The following ZFHX3 variants were observed in gnomAD, a reference collection of about 807,000 sequenced individuals.
ZFHX3 encodes zinc finger homeobox 3.
A neutral mutation model predicts 279.1 loss-of-function variants in ZFHX3; 42 were observed. The observed-to-expected ratio is 0.15, with a 90% CI of 0.12 to 0.19. The LOEUF (loss-of-function observed/expected upper bound fraction) is 0.19, where lower values mean the gene tolerates loss of function less well. Ranked by LOEUF, ZFHX3 falls within the 10% of genes least tolerant of loss-of-function variation. ZFHX3 has a pLI of 1.00. For missense variants in ZFHX3, 4,981 were observed against 4,754.0 expected (o/e 1.05, Z -1.40); for synonymous variants, 2,293 against 1,957.8 (o/e 1.17, Z -4.52).
rs183742474 is a variant in ZFHX3, at chr16:73,374,040, C to T, written c.-1290-55704G>A. Among the ~76,000 whole-genome samples the T allele has an allele frequency of 9.7e-4, 148 of 152,246 alleles. 1 individual carries two copies. Among genetic ancestry groups the T allele is most frequent in the African/African-American group, 3.2e-3 (134 of 41,534 alleles). On this transcript the variant is annotated intron_variant, in intron 3 of 17. Coordinates refer to the ZFHX3 transcript ENST00000641206. ...AGCATGCACGGGGTAAACTGGGATG[C>T]GGCAGATTTGCCAGATCCTCCAGCC...
chr16:72,855,337 G>A (rs1038725547), intron 4 of ZFHX3, among the ~76,000 whole-genome samples: 15 of 152,230 alleles, frequency 9.9e-5, no homozygotes, highest in Admixed American at 6.5e-4. Flanking sequence ...GTGAAACAGT[G>A]TGTGTGTGAG....
At chr16:73,738,049 A>T (rs2053624257) in intron 1 of ZFHX3, among the ~76,000 whole-genome samples, 1 of 152,164 alleles carries the variant, frequency 6.6e-6, no homozygotes, top group Non-Finnish European at 1.5e-5. Context: ...TGCCCTCCAC[A>T]TCTCCATTAG....
intron 1 of ZFHX3, among the ~76,000 whole-genome samples, chr16:73,747,315 T>C (rs2053713477): frequency 1.3e-5 from 2 of 152,062 alleles, no homozygotes; most frequent in Admixed American, 1.3e-4. Context: ...GCCTGGGAGG[T>C]TGAAGCTGTA....
intron 2 of ZFHX3, among the ~76,000 whole-genome samples, chr16:73,647,029 T>TC (rs1199076044): frequency 6.6e-6 from 1 of 150,998 alleles, no homozygotes; most frequent in Non-Finnish European, 1.5e-5. Flanking sequence ...TTTTTCTTTT[T>TC]TTTTTTTTGA....
intron 6 of ZFHX3, among the ~76,000 whole-genome samples, chr16:73,138,677 T>A (rs891691983): frequency 6.6e-6 from 1 of 152,082 alleles, no homozygotes; most frequent in Non-Finnish European, 1.5e-5. Context: ...TGCCCCCTAC[T>A]TCTTTTTTTG....
intron 3 of ZFHX3, among the ~76,000 whole-genome samples, chr16:73,409,418 T>G (rs1213397622): frequency 2.0e-5 from 3 of 152,204 alleles, no homozygotes; most frequent in South Asian, 4.1e-4. Flanking sequence ...TTTTAAGAAC[T>G]GTTTTCATGC....
intron 2 of ZFHX3, among the ~76,000 whole-genome samples, chr16:73,620,393 T>C (rs2052346704): frequency 6.6e-6 from 1 of 152,240 alleles, no homozygotes; most frequent in South Asian, 2.1e-4. Flanking sequence ...TTTGACGACA[T>C]TTCCACCAGG....
rs60214410 is a variant in ZFHX3 at position 73,241,790 on chromosome 16, C to CAAAAAAA, written c.-1104+15250_-1104+15256dup. On this transcript the variant is annotated intron_variant, in intron 5 of 17. Transcript: ENST00000641206. Reference sequence around the variant, plus strand: ...GGGCAATAAGAGCAAAACTCCGTCTCAAAAAAAAAAAAAAAAAAAAAAAAA... The same window carrying CAAAAAAA: ...GGGCAATAAGAGCAAAACTCCGTCTCAAAAAAAAAAAAAAAAAAAAAAAAAAAAAAAA... Among the ~76,000 whole-genome samples, 5 of 51,280 alleles carry CAAAAAAA rather than the reference C, an allele frequency of 9.8e-5. 1 individual carries two copies. The highest frequency in any genetic ancestry group is 2.5e-4 in the African/African-American group (3 of 11,768). 33.6% of individuals were successfully genotyped at this position (51,280 alleles called of 152,430 possible).
intron 5 of ZFHX3, among the ~76,000 whole-genome samples, chr16:73,174,278 C>CAAA (rs746018444): frequency 5.0e-5 from 4 of 79,222 alleles, no homozygotes; most frequent in Non-Finnish European, 1.2e-4. Context: ...ACAACAACAA[C>CAAA]AACAACAACA....
Position 72,800,127 on chromosome 16 carries a change from C to T in ZFHX3, c.3867G>A (p.Val1289=). 3 of 1,613,868 alleles carry T rather than the reference C, an allele frequency of 1.9e-6. No individual in the cohort carries two copies. The highest frequency in any genetic ancestry group is 2.5e-6 in the Non-Finnish European group (3 of 1,179,842). Reference sequence around the variant, plus strand: ...TTGGCATCACCATCTCAGGGGTGGTCACCTGAGGAGCAAGAGCAAGGAGAG... The same window carrying T: ...TTGGCATCACCATCTCAGGGGTGGTTACCTGAGGAGCAAGAGCAAGGAGAG... ...PDCVEKLIMT[V]TTPEMVMPSS... is the part of the protein sequence containing the mutation. Residue 1289 remains valine (V), a splice_region_variant and synonymous_variant, in exon 8 of 10, where the codon GTG becomes GTA. Coordinates refer to ENST00000268489, the MANE Select transcript of ZFHX3 (RefSeq NM_006885.4).
At chr16:73,580,166 G>T (rs114447450) in intron 2 of ZFHX3, among the ~76,000 whole-genome samples, 9,440 of 151,548 alleles carry the variant, frequency 0.062, 1,196 homozygotes, top group African/African-American at 0.22. Context: ...CTATGTGTTA[G>T]CTGGAATTTT....
At position 73,779,173 on chromosome 16, in the gene ZFHX3, T is replaced by C. The variant is rs943703193; in HGVS notation, c.-1607-98933A>G. On this transcript the variant is annotated intron_variant, in intron 1 of 17. Coordinates refer to the ZFHX3 transcript ENST00000641206. The stretch of plus-strand genomic sequence containing the variant: ...TATAGCATTCCCGAGCCTCCCAACA[T>C]GTGCCAAAGTATATCTTGGGAATTC... 7.2e-5 allele frequency among the ~76,000 whole-genome samples: 11 copies of C among 152,184 alleles called. No homozygotes were observed. In the South Asian group the frequency reaches 2.3e-3, roughly 32 times the overall value.
At chr16:72,889,081 A>G (rs2038702609) in intron 4 of ZFHX3, among the ~76,000 whole-genome samples, 1 of 151,996 alleles carries the variant, frequency 6.6e-6, no homozygotes, top group Non-Finnish European at 1.5e-5. Flanking sequence ...GGAGGTGGGG[A>G]AAAAGGTGGC....
intron 4 of ZFHX3, among the ~76,000 whole-genome samples, chr16:72,859,513 T>C (rs143320953): frequency 6.6e-6 from 1 of 152,344 alleles, no homozygotes; most frequent in East Asian, 1.9e-4. Context: ...GATTCCCAAC[T>C]TGGACATGTG....
intron 1 of ZFHX3, among the ~76,000 whole-genome samples, chr16:73,769,582 G>C (rs924389576): frequency 5.3e-5 from 8 of 152,126 alleles, no homozygotes; most frequent in African/African-American, 1.9e-4. Flanking sequence ...TACAAATACA[G>C]AAAATCAATG....
chr16:73,529,261 C>A (rs1384792872), intron 2 of ZFHX3, among the ~76,000 whole-genome samples: 1 of 152,092 alleles, frequency 6.6e-6, no homozygotes, highest in Non-Finnish European at 1.5e-5. Context: ...GAAAAGCTGC[C>A]CTGGTCAAAG....
chr16:73,248,519 G>A (rs149570110), intron 5 of ZFHX3, among the ~76,000 whole-genome samples: 16 of 151,170 alleles, frequency 1.1e-4, no homozygotes, highest in African/African-American at 2.7e-4. Context: ...TGTAGATACC[G>A]TGTATATGTG....
At chr16:73,034,574 C>G (rs1964832435) in intron 1 of ZFHX3, among the ~76,000 whole-genome samples, 1 of 152,220 alleles carries the variant, frequency 6.6e-6, no homozygotes, top group African/African-American at 2.4e-5. Context: ...AAACTAGCAA[C>G]CCACCACGGA....
intron 3 of ZFHX3, among the ~76,000 whole-genome samples, chr16:73,355,148 G>A (rs762833256): frequency 4.6e-5 from 7 of 152,128 alleles, no homozygotes; most frequent in African/African-American, 9.7e-5. Context: ...ACCTTGAACC[G>A]AGATTCCATC....
Sources: gnomAD v4.1 joint callset for allele counts (sites outside exome capture counted in the v4.1 genomes callset) on GRCh38, gnomAD v4.1.1 for gene constraint, MANE v1.5 for transcripts, NCBI Gene and HGNC (gene_info 2026-07-23, HGNC 2026-07-21) for gene names.